The following TATDN1 variants were observed in gnomAD, a reference collection of about 807,000 sequenced individuals.
TATDN1 encodes deoxyribonuclease TATDN1.
TATDN1 carries 40 observed loss-of-function variants against 46.4 expected under a neutral mutation model. The observed-to-expected ratio is 0.86, with a 90% confidence interval of 0.67 to 1.12. The LOEUF (loss-of-function observed/expected upper bound fraction) is 1.12. Ranked by LOEUF, TATDN1 falls within the 50% of genes most tolerant of loss-of-function variation. The pLI is 0.00. For synonymous variants in TATDN1, 95 were observed against 105.6 expected, an observed-to-expected ratio of 0.90 and a Z score of 0.62; for missense variants, 326 against 348.4, an observed-to-expected ratio of 0.94 and a Z score of 0.51.
chr8:124,524,795 A>G (rs1820344820), intron 1 of TATDN1, among the ~76,000 whole-genome samples: 1 of 152,196 alleles, frequency 6.6e-6, no homozygotes. Flanking sequence ...ATGAAAAATT[A>G]CTAAGAGGAA....
chr8:124,507,612 T>C (rs375268870), intron 8 of TATDN1, among the ~76,000 whole-genome samples: 171 of 151,932 alleles, frequency 1.1e-3, no homozygotes, highest in African/African-American at 3.9e-3. Context: ...TAAAACTTCA[T>C]CTCTACAAAA....
At chr8:124,526,878 T>A (rs1820547974) in intron 1 of TATDN1, 1 of 152,228 alleles carries the variant, frequency 6.6e-6, no homozygotes, top group Non-Finnish European at 1.5e-5. Context: ...TAGATATTGC[T>A]AGTCTTTAGA....
At chr8:124,515,310 G>A (rs761040202) in intron 6 of TATDN1, among the ~76,000 whole-genome samples, 1 of 152,146 alleles carries the variant, frequency 6.6e-6, no homozygotes, top group Non-Finnish European at 1.5e-5. Flanking sequence ...GAACCCAGGA[G>A]GTGGAGGTTG....
intron 9 of TATDN1, among the ~76,000 whole-genome samples, chr8:124,495,914 C>T (rs1326277899): frequency 6.6e-6 from 1 of 152,214 alleles, no homozygotes; most frequent in African/African-American, 2.4e-5. Flanking sequence ...TAGCCCAAGA[C>T]AGATTCTTCA....
chr8:124,527,311 CA>C (rs1466760950), intron 1 of TATDN1, among the ~76,000 whole-genome samples: 2 of 152,134 alleles, frequency 1.3e-5, no homozygotes, highest in Non-Finnish European at 2.9e-5. Context: ...CTTTATATGT[CA>C]AAAGGTGCAC....
Position 124,508,490 on chromosome 8 carries a change from C to T in TATDN1, c.500G>A (p.Arg167Gln), listed in dbSNP as rs767702116. The T allele has an allele frequency of 3.0e-5, 48 of 1,612,768 alleles. No individual in the cohort carries two copies. The highest frequency in any genetic ancestry group is 3.7e-5 in the Non-Finnish European group (44 of 1,179,246). ...TATACTTACCACTCCCCCTACACAC[C>T]GATCTCTATTTCTTTTCATTATGTC... ...FLDIMKRNRD[R>Q]CVGGVVHSFD... The change falls in exon 8 of 12, where the codon CGG becomes CAG. Residue 167 changes from arginine to glutamine, a missense_variant. Transcript: ENST00000276692.
intron 1 of TATDN1, 146 bp downstream of exon 1, chr8:124,538,879 A>G (rs1309787573): frequency 3.5e-6 from 3 of 865,796 alleles, no homozygotes; most frequent in South Asian, 1.4e-5. Flanking sequence ...ACCAGCACCC[A>G]GAAACCTCCC....
At chr8:124,504,026 C>A in intron 9 of TATDN1, 1 of 1,048,624 alleles carries the variant, frequency 9.5e-7, no homozygotes. Context: ...AGCTGCAGAT[C>A]TCAACACAAA....
At position 124,523,271 on chromosome 8, in the gene TATDN1, C is replaced by T; in HGVS notation, c.23-269G>A. Reference sequence around the variant, plus strand: ...GAAATATTAGAAGTAAACACTGGTACTATGGGACACAGAAGAGGAACACCC... The same window carrying T: ...GAAATATTAGAAGTAAACACTGGTATTATGGGACACAGAAGAGGAACACCC... On this transcript the variant is annotated intron_variant, in intron 1 of 11. Transcript: ENST00000276692. 2.2e-5 allele frequency: 8 copies of T among 370,516 alleles called. 1 individual carries two copies. In the South Asian group the frequency reaches 2.6e-4, roughly 12 times the overall value. The allele number at this position is 370,516 out of a possible 1,614,324, so 23.0% of individuals were successfully genotyped here. A position where few individuals can be genotyped will look rare whatever the true frequency, so the allele number is the denominator to read the frequency against.
chr8:124,515,912 A>G lies in TATDN1; in HGVS notation c.321T>C (p.Val107=), dbSNP rs781599644. The change falls in exon 5 of 12, where the codon GTT becomes GTC. Residue 107 remains valine, a synonymous_variant. Coordinates refer to ENST00000276692, the MANE Select transcript of TATDN1 (RefSeq NM_032026.4). ...LNLAENNKGK[V]VAIGECGLDF... ...CAAGTCCGCATTCTCCTATTGCCAC[A>G]ACTTTCCCTTTATTGTTTTCAGCAA... The G allele has an allele frequency of 6.2e-7, 1 of 1,614,082 alleles. No homozygotes were observed. The highest frequency in any genetic ancestry group is 8.5e-7 in the Non-Finnish European group (1 of 1,179,996).
intron 11 of TATDN1, among the ~76,000 whole-genome samples, chr8:124,493,121 T>C (rs1817167835): frequency 2.6e-5 from 4 of 152,232 alleles, no homozygotes; most frequent in African/African-American, 9.6e-5. Flanking sequence ...ATGCAATGAA[T>C]AGTCTTAAAA....
At chr8:124,506,872 A>G (rs1818485311) in intron 8 of TATDN1, among the ~76,000 whole-genome samples, 1 of 152,134 alleles carries the variant, frequency 6.6e-6, no homozygotes, top group Non-Finnish European at 1.5e-5. Flanking sequence ...CGAAGAGACT[A>G]AAAATCATGG....
intron 1 of TATDN1, among the ~76,000 whole-genome samples, chr8:124,531,310 T>C (rs979173192): frequency 6.6e-6 from 1 of 152,162 alleles, no homozygotes; most frequent in Non-Finnish European, 1.5e-5. Context: ...GACTGCAGAA[T>C]CAGTAATGCT....
chr8:124,492,078 G>C (rs1381595595), intron 11 of TATDN1, among the ~76,000 whole-genome samples: 2 of 151,700 alleles, frequency 1.3e-5, no homozygotes, highest in Admixed American at 1.3e-4. Context: ...AGGTTCAAGC[G>C]ATTCTCCTGC....
chr8:124,510,112 G>A (rs1295583862), intron 6 of TATDN1, among the ~76,000 whole-genome samples: 1 of 151,918 alleles, frequency 6.6e-6, no homozygotes, highest in Admixed American at 6.6e-5. Flanking sequence ...ATTACCAAAT[G>A]TTTGGGTTTT....
intron 8 of TATDN1, among the ~76,000 whole-genome samples, chr8:124,506,254 G>T (rs1818405838): frequency 7.3e-6 from 1 of 136,058 alleles, no homozygotes; most frequent in Non-Finnish European, 1.5e-5. Context: ...AGAATTGCTT[G>T]AACTTGGAAG....
intron 1 of TATDN1, among the ~76,000 whole-genome samples, chr8:124,536,977 T>G (rs749117193): frequency 1.3e-5 from 2 of 152,086 alleles, no homozygotes; most frequent in African/African-American, 2.4e-5. Context: ...TAGGGAAGGC[T>G]ATACTTCAAA....
intron 9 of TATDN1, among the ~76,000 whole-genome samples, chr8:124,496,850 C>T (rs1036781962): frequency 6.6e-6 from 1 of 152,184 alleles, no homozygotes; most frequent in African/African-American, 2.4e-5. Context: ...CATCAATCAA[C>T]ACATGGCCAA....
intron 6 of TATDN1, among the ~76,000 whole-genome samples, chr8:124,514,090 G>C (rs2131464362): frequency 6.6e-6 from 1 of 152,274 alleles, no homozygotes; most frequent in African/African-American, 2.4e-5. Flanking sequence ...AAAAGAGAGA[G>C]TAGGTATCCA....
Sources: gnomAD v4.1 joint callset for allele counts (sites outside exome capture counted in the v4.1 genomes callset) on GRCh38, gnomAD v4.1.1 for gene constraint, MANE v1.5 for transcripts, NCBI Gene and HGNC (gene_info 2026-07-23, HGNC 2026-07-21) for gene names.